Variants in TNK2 observed in about 807,000 individuals in gnomAD.
TNK2 encodes activated CDC42 kinase 1.
In TNK2, 83 loss-of-function variants were observed where a neutral mutation model predicts 101.8. The observed-to-expected ratio is 0.82, with a 90% confidence interval of 0.68 to 0.98. The LOEUF is 0.98. Among genes scored for constraint, TNK2 ranks in the 50% least tolerant of loss-of-function variants. The pLI is 0.00. For missense variants in TNK2, 1,665 were observed against 1,483.2 expected, an observed-to-expected ratio of 1.12 and a Z score of -2.01; for synonymous variants, 804 against 633.0, an observed-to-expected ratio of 1.27 and a Z score of -4.06.
In TNK2 at chr3:195,868,163, G is replaced by A. The variant is rs776680075; in HGVS notation, c.2135C>T (p.Pro712Leu). 9.9e-6 allele frequency: 16 copies of A among 1,610,584 alleles called. No homozygotes were observed. The highest frequency in any genetic ancestry group is 2.7e-5 in the African/African-American group (2 of 74,824). Residue 712 changes from proline (P) to leucine (L), a missense_variant, in exon 13 of 16, where the codon CCG becomes CTG. Pro to Leu is a moderately conservative substitution (Grantham distance 98). This residue lies in a region of TNK2 where 1,136 missense variants were observed against 894.9 expected (regional missense o/e 1.27). Transcript: ENST00000672887. ...CTCTGCGGTCTGTGCGGAGCTGGGC[G>A]GCTTGCCCCCACCCTGGGGCGGGAG... is the stretch of plus-strand genomic sequence containing the variant. ...LFLPPQGGGK[P>L]PSSAQTAEIF...
chr3:195,887,856 CTG>C (rs549631006), intron 2 of TNK2, among the ~76,000 whole-genome samples: 39 of 130,088 alleles, frequency 3.0e-4, no homozygotes, highest in African/African-American at 4.5e-4. Flanking sequence ...GTGTGCGTGT[CTG>C]TGTGCGCAGG....
In TNK2 at chr3:195,867,198, T is replaced by C; in HGVS notation, c.3004A>G (p.Ser1002Gly). The change falls in exon 14 of 16, where the codon AGC (serine) becomes GGC (glycine). Residue 1002 changes from serine (S) to glycine (G), a missense_variant. Physicochemically the swap from Ser to Gly is moderately conservative, Grantham distance 56. Transcript: ENST00000672887. Reference protein sequence around the residue: ...CQAALQCHGWSVQRAAQYLKV... With the variant: ...CQAALQCHGWGVQRAAQYLKV... ...AGATACTGGGCAGCCCTCTGCACGCTCCAGCCGTGGCACTGCAGGGCCGCC... is the reference window on the plus strand; with the variant it reads ...AGATACTGGGCAGCCCTCTGCACGCCCCAGCCGTGGCACTGCAGGGCCGCC... 1 of 1,612,942 alleles carries C rather than the reference T, an allele frequency of 6.2e-7. No homozygotes were observed. Among genetic ancestry groups the C allele is most frequent in the Non-Finnish European group, 8.5e-7 (1 of 1,179,908 alleles).
Position 195,864,191 on chromosome 3 carries a change from G to C in TNK2, c.3162-4C>G, listed in dbSNP as rs1462581409. 1.2e-6 allele frequency: 2 copies of C among 1,614,022 alleles called. No individual in the cohort carries two copies. The highest frequency in any genetic ancestry group is 1.7e-6 in the Non-Finnish European group (2 of 1,179,922). On this transcript the variant is annotated splice_polypyrimidine_tract_variant and splice_region_variant and intron_variant, in intron 15 of 15. Coordinates refer to ENST00000672887, the MANE Select transcript of TNK2 (RefSeq NM_001382273.1). ...CTCTCCAGACGCATCTCAGCGCCTA[G>C]AGAATGGGAAACCACCAGCACAGTT... is the stretch of plus-strand genomic sequence containing the variant.
rs991749901 is a variant in TNK2, at chr3:195,863,858, A to C, written c.*323T>G. On this transcript the variant is annotated 3_prime_UTR_variant, in exon 16 of 16. Coordinates refer to ENST00000672887, the MANE Select transcript of TNK2 (RefSeq NM_001382273.1). ...AGGGCCTGGGGGTACTACTCCACCC[A>C]CAGGCCCCGCCCAGGACCAGGGCCA... The C allele has an allele frequency of 2.7e-6, 1 of 366,204 alleles. No homozygotes were observed. Among genetic ancestry groups the C allele is most frequent in the Non-Finnish European group, 5.0e-6 (1 of 200,944 alleles). The allele number at this position is 366,204 out of a possible 1,614,324, so 22.7% of individuals were successfully genotyped here.
chr3:195,897,201 G>C (rs1044835246), intron 1 of TNK2, among the ~76,000 whole-genome samples: 1 of 152,266 alleles, frequency 6.6e-6, no homozygotes, highest in Non-Finnish European at 1.5e-5. Context: ...TCTGGAGCAA[G>C]GCCAGGCTGG....
intron 1 of TNK2, among the ~76,000 whole-genome samples, chr3:195,903,834 C>T (rs974061557): frequency 7.2e-5 from 11 of 152,136 alleles, no homozygotes; most frequent in African/African-American, 2.4e-4. Context: ...GATGACACGG[C>T]GCCCTATGTA....
chr3:195,878,702 C>T lies in TNK2; in HGVS notation c.1015-110G>A. 1 of 1,466,294 alleles carries T rather than the reference C, an allele frequency of 6.8e-7. No individual in the cohort carries two copies. The highest frequency in any genetic ancestry group is 9.1e-7 in the Non-Finnish European group (1 of 1,097,326). The allele number at this position is 1,466,294 out of a possible 1,614,324, so 90.8% of individuals were successfully genotyped here. ...TGCAGCGGCTGCTGCCATGCCTGGCCTCCAAAGAAGGGATCTGCCTGCCTG... is the reference window on the plus strand; with the variant it reads ...TGCAGCGGCTGCTGCCATGCCTGGCTTCCAAAGAAGGGATCTGCCTGCCTG... On this transcript the variant is annotated intron_variant, in intron 7 of 15. Coordinates refer to ENST00000672887, the MANE Select transcript of TNK2 (RefSeq NM_001382273.1). This position sits in a 1 kb window ranked among gnomAD's most constrained non-coding sequence, Gnocchi z 4.7.
intron 9 of TNK2, among the ~76,000 whole-genome samples, chr3:195,874,557 C>G (rs1393272040): frequency 7.2e-6 from 1 of 139,662 alleles, no homozygotes; most frequent in Non-Finnish European, 1.6e-5. Flanking sequence ...GGCGCCCACG[C>G]ACGCTCCGAG....
chr3:195,866,777 T>C (rs1741152525), intron 15 of TNK2, 112 bp downstream of exon 15: 2 of 1,444,522 alleles, frequency 1.4e-6, no homozygotes, highest in South Asian at 1.3e-5. Flanking sequence ...TGGAGAGCTG[T>C]GTCTCCCTGG....
chr3:195,884,221 G>A (rs1189383988), intron 4 of TNK2: 1 of 152,224 alleles, frequency 6.6e-6, no homozygotes, highest in Non-Finnish European at 1.5e-5. Context: ...CCTAAAGTGG[G>A]AGGAAGAGGC....
chr3:195,902,897 A>G (rs906026080), intron 1 of TNK2, among the ~76,000 whole-genome samples: 1 of 150,896 alleles, frequency 6.6e-6, no homozygotes, highest in Non-Finnish European at 1.5e-5. Flanking sequence ...TTACATGAGC[A>G]TACCATCACA....
chr3:195,891,624 G>A (rs9839985), intron 1 of TNK2, among the ~76,000 whole-genome samples: 29,583 of 151,930 alleles, frequency 0.19, 3,081 homozygotes, highest in Non-Finnish European at 0.24. Flanking sequence ...ACCCGGCCAC[G>A]GCCACCGCTG....
At chr3:195,908,108 T>G (rs966140819) in intron 1 of TNK2, 1 of 152,448 alleles carries the variant, frequency 6.6e-6, no homozygotes, top group African/African-American at 2.4e-5. Context: ...TTTTGAGGAC[T>G]TGTGTGTTGA....
At chr3:195,865,066 G>A (rs1414469356) in intron 15 of TNK2, among the ~76,000 whole-genome samples, 1 of 144,328 alleles carries the variant, frequency 6.9e-6, no homozygotes, top group African/African-American at 2.6e-5. Context: ...ACAGACAGGT[G>A]ACACGGAGTG....
At chr3:195,884,679 G>C in intron 4 of TNK2, 133 bp downstream of exon 4, 2 of 764,416 alleles carry the variant, frequency 2.6e-6, no homozygotes, top group South Asian at 4.3e-5. Context: ...CAAAAATCCT[G>C]AGCACGGACT....
intron 15 of TNK2, among the ~76,000 whole-genome samples, chr3:195,866,214 T>A (rs1376917865): frequency 1.3e-5 from 2 of 152,230 alleles, no homozygotes; most frequent in Non-Finnish European, 2.9e-5. Flanking sequence ...GAAAATTTTT[T>A]TTTTTGGAGA....
rs1755001680 is a variant in TNK2, at chr3:195,885,072, C to T, written c.235-39G>A. ...GCCGGGGGCCAGATGGAATCCAACACCCCAGGGTCAGTCACTCAGTCCCAC... is the reference window on the plus strand; with the variant it reads ...GCCGGGGGCCAGATGGAATCCAACATCCCAGGGTCAGTCACTCAGTCCCAC... On this transcript the variant is annotated intron_variant, in intron 3 of 15. Coordinates refer to ENST00000672887, the MANE Select transcript of TNK2 (RefSeq NM_001382273.1). The surrounding 1 kb of genome is among the most constrained non-coding windows in gnomAD (Gnocchi z 4.7). 6.5e-7 allele frequency: 1 copy of T among 1,534,402 alleles called. No individual in the cohort carries two copies. Among genetic ancestry groups the T allele is most frequent in the Admixed American group, 2.0e-5 (1 of 50,914 alleles).
chr3:195,886,305 G>A lies in TNK2; in HGVS notation c.234+672C>T, dbSNP rs1755568405. 1 of 152,452 alleles carries A rather than the reference G, an allele frequency of 6.6e-6. No homozygotes were observed. The highest frequency in any genetic ancestry group is 1.5e-5 in the Non-Finnish European group (1 of 68,258). The allele number at this position is 152,452 out of a possible 1,614,324, so 9.4% of individuals were successfully genotyped here. ...CAGCCCCTTTGCCGGATTGCAGCCAGGAAAATCTCTGCTGCCCAATCCCAC... is the reference window on the plus strand; with the variant it reads ...CAGCCCCTTTGCCGGATTGCAGCCAAGAAAATCTCTGCTGCCCAATCCCAC... On this transcript the variant is annotated intron_variant, in intron 3 of 15. Transcript: ENST00000672887. This position sits in a 1 kb window ranked among gnomAD's most constrained non-coding sequence, Gnocchi z 4.2.
chr3:195,898,065 A>G (rs970269929), intron 1 of TNK2, among the ~76,000 whole-genome samples: 1 of 151,274 alleles, frequency 6.6e-6, no homozygotes, highest in Non-Finnish European at 1.5e-5. Context: ...GCATATCCAA[A>G]CTGGGCTCAG....
Sources: allele counts gnomAD v4.1 joint callset (sites outside exome capture counted in the v4.1 genomes callset), GRCh38; gene constraint gnomAD v4.1.1; regional missense constraint gnomAD v4.1.1; non-coding constraint Gnocchi (gnomAD v3.1); transcripts MANE v1.5; gene names NCBI Gene and HGNC (gene_info 2026-07-23, HGNC 2026-07-21).